Variants in TENM3 observed in about 807,000 individuals in gnomAD.
TENM3 encodes teneurin transmembrane protein 3, also known as teneurin-3.
Under a neutral mutation model 255.1 loss-of-function variants are expected in TENM3, and 63 were observed. The ratio of observed to expected loss-of-function variants is 0.25; its 90% CI spans 0.20 to 0.30. The LOEUF (loss-of-function observed/expected upper bound fraction) is 0.30, where lower values mean the gene tolerates loss of function less well. Among genes scored for constraint, TENM3 ranks in the 10% least tolerant of loss-of-function variants. The pLI, the probability that TENM3 is intolerant of heterozygous loss-of-function variation, is 1.00. For synonymous variants in TENM3, 1,306 were observed against 1,322.3 expected, an observed-to-expected ratio of 0.99 and a Z score of 0.27; for missense variants, 2,929 against 3,461.1, an observed-to-expected ratio of 0.85 and a Z score of 3.86.
the TENM3 span, among the ~76,000 whole-genome samples, chr4:181,682,766 G>A: frequency 6.6e-6 from 1 of 152,012 alleles, no homozygotes; most frequent in African/African-American, 2.4e-5. Context: ...GGGAAAATGA[G>A]CACAAATTCC....
At chr4:181,518,354 G>A in the TENM3 span, among the ~76,000 whole-genome samples, 4 of 151,948 alleles carry the variant, frequency 2.6e-5, no homozygotes, top group African/African-American at 9.7e-5. Flanking sequence ...TGACAAGATG[G>A]TATATATTCT....
chr4:181,928,549 G>A, the TENM3 span, among the ~76,000 whole-genome samples: 6 of 151,798 alleles, frequency 4.0e-5, no homozygotes, highest in South Asian at 2.1e-4. Context: ...CCAAACCTAC[G>A]TTTGATGGGT....
At chr4:182,621,800 A>T (rs1218939862) in intron 4 of TENM3, among the ~76,000 whole-genome samples, 1 of 32,006 alleles carries the variant, frequency 3.1e-5, no homozygotes, top group South Asian at 1.7e-3. Flanking sequence ...TATAATATAT[A>T]ATATATATAT....
At chr4:181,625,149 G>C in the TENM3 span, among the ~76,000 whole-genome samples, 2 of 152,230 alleles carry the variant, frequency 1.3e-5, no homozygotes, top group African/African-American at 2.4e-5. Flanking sequence ...TCACATGGCA[G>C]AAGAGTGGGA....
At chr4:181,883,269 C>A in the TENM3 span, among the ~76,000 whole-genome samples, 1 of 152,034 alleles carries the variant, frequency 6.6e-6, no homozygotes, top group Non-Finnish European at 1.5e-5. Flanking sequence ...GTGCTAAGAA[C>A]CTGTGTGGGT....
At chr4:182,335,384 G>A (rs35212582) in intron 2 of TENM3, among the ~76,000 whole-genome samples, 17,238 of 134,592 alleles carry the variant, frequency 0.13, 697 homozygotes, top group East Asian at 0.27. Context: ...AGTCCCAGCT[G>A]CTCGGGAGGC....
chr4:181,538,747 A>C, the TENM3 span, among the ~76,000 whole-genome samples: 1 of 152,186 alleles, frequency 6.6e-6, no homozygotes, highest in Non-Finnish European at 1.5e-5. Flanking sequence ...GTTTCAGTGA[A>C]GTGTTCGTTT....
At chr4:181,473,940 A>G in the TENM3 span, among the ~76,000 whole-genome samples, 163 of 150,740 alleles carry the variant, frequency 1.1e-3, no homozygotes, top group Middle Eastern at 0.018. Flanking sequence ...ATATAAAAAT[A>G]TACTGTGTAT....
At chr4:182,640,845 C>G (rs1402135648) in intron 5 of TENM3, among the ~76,000 whole-genome samples, 2 of 152,148 alleles carry the variant, frequency 1.3e-5, no homozygotes, top group Non-Finnish European at 2.9e-5. Context: ...CCGAGTGATC[C>G]CAGATGAAGA....
At chr4:182,352,301 G>A (rs112272390) in intron 3 of TENM3, among the ~76,000 whole-genome samples, 49 of 152,222 alleles carry the variant, frequency 3.2e-4, no homozygotes, top group African/African-American at 1.0e-3. Context: ...TTAAATGAAT[G>A]TACATTGAAT....
chr4:182,034,743 G>T, the TENM3 span, among the ~76,000 whole-genome samples: 1 of 152,188 alleles, frequency 6.6e-6, no homozygotes, highest in Non-Finnish European at 1.5e-5. Flanking sequence ...GGTTTCTGCT[G>T]AAAGGTCCAC....
intron 22 of TENM3, among the ~76,000 whole-genome samples, chr4:182,756,863 C>T (rs935878348): frequency 1.3e-5 from 2 of 152,062 alleles, no homozygotes; most frequent in African/African-American, 2.4e-5. Context: ...ATTTTAGTAT[C>T]GCAATAGGAA....
the TENM3 span, among the ~76,000 whole-genome samples, chr4:182,137,577 G>T: frequency 2.0e-5 from 3 of 152,252 alleles, no homozygotes; most frequent in South Asian, 6.2e-4. Flanking sequence ...TGGGATGGGG[G>T]ATTAAAAAAT....
the TENM3 span, among the ~76,000 whole-genome samples, chr4:181,947,579 G>A: frequency 5.8e-4 from 89 of 152,206 alleles, no homozygotes; most frequent in East Asian, 0.015. Context: ...TGTATTAAAC[G>A]TCTCATTGTA....
At chr4:182,233,946 T>C (rs1461504521) in intron 1 of TENM3, among the ~76,000 whole-genome samples, 4 of 152,368 alleles carry the variant, frequency 2.6e-5, no homozygotes, top group Middle Eastern at 3.4e-3. Context: ...GCCTTTCGGC[T>C]TTTCCAGCTT....
At chr4:182,582,670 A>G (rs906390236) in intron 3 of TENM3, among the ~76,000 whole-genome samples, 1 of 152,186 alleles carries the variant, frequency 6.6e-6, no homozygotes, top group African/African-American at 2.4e-5. Flanking sequence ...AAAAAGTAGC[A>G]AACAGTATTT....
intron 1 of TENM3, among the ~76,000 whole-genome samples, chr4:182,175,314 A>AATATATATATAT (rs35451760): frequency 8.5e-6 from 1 of 117,592 alleles, no homozygotes; most frequent in African/African-American, 3.3e-5. Flanking sequence ...AAAAAAAAAA[A>AATATATATATAT]ATATATATAT....
At chr4:182,434,148 G>A (rs919589142) in intron 3 of TENM3, among the ~76,000 whole-genome samples, 1 of 151,552 alleles carries the variant, frequency 6.6e-6, no homozygotes, top group African/African-American at 2.4e-5. Flanking sequence ...AGTTTCAGAA[G>A]AAGTAAAAAG....
At chr4:182,059,945 A>C in the TENM3 span, among the ~76,000 whole-genome samples, 16 of 151,598 alleles carry the variant, frequency 1.1e-4, no homozygotes, top group African/African-American at 3.6e-4. Flanking sequence ...AAGAAAAAAA[A>C]ATCCTAGTCT....
Sources: gnomAD v4.1 joint callset for allele counts (sites outside exome capture counted in the v4.1 genomes callset) on GRCh38, gnomAD v4.1.1 for gene constraint, MANE v1.5 for transcripts, NCBI Gene and HGNC (gene_info 2026-07-23, HGNC 2026-07-21) for gene names.